Variants in RINT1 observed in about 807,000 individuals in gnomAD.
RINT1 encodes the protein RAD50-interacting protein 1.
Under a neutral mutation model 97.7 loss-of-function variants are expected in RINT1, and 75 were observed. The ratio of observed to expected loss-of-function variants is 0.77; its 90% CI spans 0.64 to 0.93. The LOEUF (loss-of-function observed/expected upper bound fraction) is 0.93, where lower values mean the gene tolerates loss of function less well. RINT1 is among the 40% of genes least tolerant of loss of function. The probability of loss-of-function intolerance (pLI) is 0.00; values close to 1 mark genes in which losing one functional copy is unlikely to be tolerated. For synonymous variants in RINT1, 303 were observed against 326.3 expected (o/e 0.93, Z 0.77); for missense variants, 892 against 925.2 (o/e 0.96, Z 0.47).
At chr7:105,562,171 A>G (rs1433477008) in intron 11 of RINT1, among the ~76,000 whole-genome samples, 2 of 152,200 alleles carry the variant, frequency 1.3e-5, no homozygotes, top group East Asian at 1.9e-4. Flanking sequence ...AGATTGTTCC[A>G]TTTCAGAATA....
intron 1 of RINT1, 63 bp downstream of exon 1, chr7:105,532,420 C>A (rs1000116941): frequency 1.3e-6 from 2 of 1,534,422 alleles, no homozygotes; most frequent in Non-Finnish European, 1.8e-6. Flanking sequence ...GCACAGACCT[C>A]CCGGGGGAGA....
chr7:105,536,393 A>C (rs533226009), intron 2 of RINT1, among the ~76,000 whole-genome samples, 172 bp from the exon 3 acceptor site: 1 of 152,296 alleles, frequency 6.6e-6, no homozygotes, highest in East Asian at 1.9e-4. Flanking sequence ...TCCTGGCCTC[A>C]GGTGATGCAC....
At chr7:105,536,381 A>G (rs148696781) in intron 2 of RINT1, among the ~76,000 whole-genome samples, 184 bp from the exon 3 acceptor site, 5 of 151,172 alleles carry the variant, frequency 3.3e-5, no homozygotes, top group African/African-American at 1.2e-4. Context: ...CTAGTCTTAA[A>G]CTCCTGGCCT....
intron 9 of RINT1, among the ~76,000 whole-genome samples, chr7:105,550,849 C>T (rs1488030834): frequency 6.6e-6 from 1 of 151,926 alleles, no homozygotes. Context: ...CCACCCCCTG[C>T]GTTCAAGCGA....
At position 105,548,687 on chromosome 7, in the gene RINT1, C is replaced by T. The variant is rs753489260; in HGVS notation, c.973C>T (p.Arg325Trp). 11 of 1,613,214 alleles carry T rather than the reference C, an allele frequency of 6.8e-6. No individual in the cohort carries two copies. Among genetic ancestry groups the T allele is most frequent in the East Asian group, 4.5e-5 (2 of 44,874 alleles). The change falls in exon 7 of 15, where the codon CGG becomes TGG. Residue 325 changes from arginine (R) to tryptophan (W), a missense_variant. By Grantham distance (101) the Arg-to-Trp change is moderately radical. Coordinates refer to ENST00000257700, the MANE Select transcript of RINT1 (RefSeq NM_021930.6). ...GTTCAGGTATCACTTCAGAGGGAAC[C>T]GGCAGACTAATGTGTTAAGCAAGGT... ...KRFRYHFRGN[R>W]QTNVLSKPEW...
chr7:105,561,840 G>C lies in RINT1; in HGVS notation c.1672-1893G>C, dbSNP rs77295548. On this transcript the variant is annotated intron_variant, in intron 11 of 14. Coordinates refer to ENST00000257700, the MANE Select transcript of RINT1 (RefSeq NM_021930.6). ...GCCTCCCAAAGTGCTGAGATTACAG[G>C]CATGAGCCACCACGCCTGGCCGATA... Among the ~76,000 whole-genome samples the C allele has an allele frequency of 5.7e-3, 873 of 152,150 alleles. 16 individuals are homozygous for C. The highest frequency in any genetic ancestry group is 0.035 in the East Asian group (181 of 5,146).
At position 105,536,673 on chromosome 7, in the gene RINT1, A is replaced by G. The variant is rs777153983; in HGVS notation, c.197A>G (p.Asn66Ser). Residue 66 changes from asparagine to serine, a missense_variant, in exon 3 of 15, where the codon AAT becomes AGT. By Grantham distance (46) the Asn-to-Ser change is conservative. Coordinates refer to ENST00000257700, the MANE Select transcript of RINT1 (RefSeq NM_021930.6). ...GCATTCATAGAAAAGGAAGTTGGAA[A>G]TGACCTTAAATCTTTAAAGAAACTT... Reference protein sequence around the residue: ...VSAFIEKEVGNDLKSLKKLDK... With the variant: ...VSAFIEKEVGSDLKSLKKLDK... 6.2e-7 allele frequency: 1 copy of G among 1,613,214 alleles called. No individual in the cohort carries two copies. The highest frequency in any genetic ancestry group is 8.5e-7 in the Non-Finnish European group (1 of 1,179,482).
At chr7:105,541,660 C>T (rs1445791854) in intron 3 of RINT1, 1 of 152,034 alleles carries the variant, frequency 6.6e-6, no homozygotes, top group Non-Finnish European at 1.5e-5. Flanking sequence ...TCTATAATTC[C>T]TGCTATTTAG....
At chr7:105,552,732 G>A (rs1165657140) in intron 10 of RINT1, among the ~76,000 whole-genome samples, 1 of 134,406 alleles carries the variant, frequency 7.4e-6, no homozygotes, top group African/African-American at 2.7e-5. Context: ...GGAGTGCAGT[G>A]GCATGATCTC....
rs1039434331 is a variant in RINT1, at chr7:105,557,264, CTT to C, written c.1671+2038_1671+2039del. 1.9e-4 allele frequency among the ~76,000 whole-genome samples: 29 copies of C among 151,838 alleles called. 1 individual carries two copies. The highest frequency in any genetic ancestry group is 6.5e-4 in the African/African-American group (27 of 41,416). On this transcript the variant is annotated intron_variant, in intron 11 of 14. Coordinates refer to ENST00000257700, the MANE Select transcript of RINT1 (RefSeq NM_021930.6). ...AGACAAATGCAATTTTAACTAAAGA[CTT>C]AAATATACTATTAGAATGTGATAGG...
rs1791819203 is a variant in RINT1 at position 105,567,482 on chromosome 7, C to T, written c.*171C>T. 4.2e-6 allele frequency: 3 copies of T among 705,956 alleles called. No homozygotes were observed. Among genetic ancestry groups the T allele is most frequent in the South Asian group, 1.5e-5 (1 of 66,696 alleles). The allele number at this position is 705,956 out of a possible 1,614,324, so 43.7% of individuals were successfully genotyped here. A position where few individuals can be genotyped will look rare whatever the true frequency, so the allele number is the denominator to read the frequency against. ...AAATGCTGACCATATTTCCTTCATC[C>T]TCTTGTTCCTAAGGAAACAAAAACA... On this transcript the variant is annotated 3_prime_UTR_variant, in exon 15 of 15. Transcript: ENST00000257700.
chr7:105,532,213 C>T lies in RINT1; in HGVS notation c.-103C>T. 1 of 1,325,748 alleles carries T rather than the reference C, an allele frequency of 7.5e-7. No homozygotes were observed. Among genetic ancestry groups the T allele is most frequent in the East Asian group, 2.5e-5 (1 of 39,310 alleles). The allele number at this position is 1,325,748 out of a possible 1,614,324, so 82.1% of individuals were successfully genotyped here. A position where few individuals can be genotyped will look rare whatever the true frequency, so the allele number is the denominator to read the frequency against. On this transcript the variant is annotated 5_prime_UTR_variant, in exon 1 of 15. Coordinates refer to ENST00000257700, the MANE Select transcript of RINT1 (RefSeq NM_021930.6). ...AGAGGAAGTCGCTGTGGCACTCAGT[C>T]CTACGGCCTCCGAGGCTGGGTAGTG...
intron 4 of RINT1, among the ~76,000 whole-genome samples, chr7:105,545,522 A>G (rs1230935481): frequency 7.0e-6 from 1 of 141,956 alleles, no homozygotes. Context: ...TTGTATATAT[A>G]TATATATATT....
chr7:105,552,742 C>T (rs557490824), intron 10 of RINT1, among the ~76,000 whole-genome samples: 5 of 128,934 alleles, frequency 3.9e-5, no homozygotes, highest in South Asian at 5.0e-4. Context: ...GGCATGATCT[C>T]GGCTCACTGC....
At chr7:105,540,599 T>C (rs755541338) in intron 3 of RINT1, among the ~76,000 whole-genome samples, 1 of 152,120 alleles carries the variant, frequency 6.6e-6, no homozygotes, top group African/African-American at 2.4e-5. Context: ...GGTTTCACCA[T>C]GTTGGCTAGG....
chr7:105,546,885 A>G (rs1399611453), intron 4 of RINT1, 25 bp from the exon 5 acceptor site: 2 of 1,561,738 alleles, frequency 1.3e-6, no homozygotes, highest in Non-Finnish European at 1.7e-6. Flanking sequence ...AAAAGAAAAA[A>G]AAATTTGCTT....
intron 11 of RINT1, among the ~76,000 whole-genome samples, chr7:105,560,245 C>G (rs1211891295): frequency 6.6e-6 from 1 of 152,202 alleles, no homozygotes; most frequent in African/African-American, 2.4e-5. Context: ...ATATGTCCAT[C>G]TCTGAACAAT....
rs777291719 is a variant in RINT1, at chr7:105,565,590, C to G, written c.2128C>G (p.Arg710Gly). 5 of 1,613,760 alleles carry G rather than the reference C, an allele frequency of 3.1e-6. No individual in the cohort carries two copies. The highest frequency in any genetic ancestry group is 4.2e-6 in the Non-Finnish European group (5 of 1,179,892). ...GAAQLQFDMTRNLFPLFSHYC... is the reference protein window; with the variant it reads ...GAAQLQFDMTGNLFPLFSHYC... ...AGCCCAGCTGCAGTTTGATATGACT[C>G]GGAATCTTTTCCCTTTGTTTTCTCA... Residue 710 changes from arginine (R) to glycine (G), a missense_variant, in exon 14 of 15, where the codon CGG becomes GGG. Coordinates refer to ENST00000257700, the MANE Select transcript of RINT1 (RefSeq NM_021930.6).
Position 105,532,284 on chromosome 7 carries a change from C to T in RINT1, c.-32C>T, listed in dbSNP as rs1255542241. ...CAGACTCCACAGGCCACGCTGGCTG[C>T]GAATGGAGCCGAGGACTCGCGCGGA... On this transcript the variant is annotated 5_prime_UTR_variant, in exon 1 of 15. Transcript: ENST00000257700. 1.3e-6 allele frequency: 2 copies of T among 1,561,350 alleles called. No homozygotes were observed. Among genetic ancestry groups the T allele is most frequent in the Admixed American group, 1.9e-5 (1 of 53,318 alleles).
Sources: gnomAD v4.1 joint callset for allele counts (sites outside exome capture counted in the v4.1 genomes callset) on GRCh38, gnomAD v4.1.1 for gene constraint, MANE v1.5 for transcripts, NCBI Gene and HGNC (gene_info 2026-07-23, HGNC 2026-07-21) for gene names.